The following SLIT3 variants were observed in gnomAD, a reference collection of about 807,000 sequenced individuals.
SLIT3 encodes slit homolog 3 protein.
SLIT3 carries 68 observed loss-of-function variants against 184.0 expected under a neutral mutation model. The ratio of observed to expected loss-of-function variants is 0.37; its 90% CI spans 0.30 to 0.45. The LOEUF (loss-of-function observed/expected upper bound fraction) is 0.45. SLIT3 is among the 20% of genes least tolerant of loss of function. The probability of loss-of-function intolerance (pLI) is 1.00; values close to 1 mark genes in which losing one functional copy is unlikely to be tolerated. For missense variants in SLIT3, 1,707 were observed against 2,026.0 expected, an observed-to-expected ratio of 0.84 and a Z score of 3.02; for synonymous variants, 831 against 828.6, an observed-to-expected ratio of 1.00 and a Z score of -0.05.
chr5:168,692,798 C>G, intron 28 of SLIT3, 98 bp from the exon 29 acceptor site: 1 of 787,170 alleles, frequency 1.3e-6, no homozygotes, highest in South Asian at 1.6e-5. Flanking sequence ...GCCAGAAGAT[C>G]AGACTCATCC....
intron 4 of SLIT3, among the ~76,000 whole-genome samples, chr5:169,114,964 G>A (rs1270593559): frequency 6.6e-6 from 1 of 152,200 alleles, no homozygotes. Flanking sequence ...AAATGGAGGG[G>A]GAGGGCGGAA....
chr5:168,952,409 C>T (rs1006272114), intron 4 of SLIT3, among the ~76,000 whole-genome samples: 32 of 152,054 alleles, frequency 2.1e-4, no homozygotes, highest in African/African-American at 7.0e-4. Flanking sequence ...TTGGCACCAG[C>T]GTCACATCTG....
chr5:169,000,993 T>G (rs537052656), intron 4 of SLIT3, among the ~76,000 whole-genome samples: 1 of 152,370 alleles, frequency 6.6e-6, no homozygotes, highest in Admixed American at 6.5e-5. Context: ...AAGAAGTTTA[T>G]TACTTTGTCA....
intron 3 of SLIT3, among the ~76,000 whole-genome samples, chr5:169,207,019 C>T (rs962297742): frequency 4.7e-5 from 7 of 149,022 alleles, no homozygotes; most frequent in African/African-American, 1.2e-4. Flanking sequence ...ATTGTCACTT[C>T]GATCTGATTG....
chr5:168,715,005 CGGTT>C (rs955031792), intron 23 of SLIT3, among the ~76,000 whole-genome samples: 11 of 152,166 alleles, frequency 7.2e-5, no homozygotes. Flanking sequence ...CTAGGTCCTA[CGGTT>C]AATACAATAA....
chr5:168,723,084 C>G, intron 21 of SLIT3, 80 bp from the exon 22 acceptor site: 1 of 937,250 alleles, frequency 1.1e-6, no homozygotes, highest in Admixed American at 1.7e-5. Context: ...TCACACATAC[C>G]TGCCATCCAC....
intron 12 of SLIT3, among the ~76,000 whole-genome samples, chr5:168,785,480 G>A (rs541847102): frequency 5.9e-5 from 9 of 152,262 alleles, no homozygotes; most frequent in African/African-American, 1.9e-4. Flanking sequence ...CCTCTGCCCC[G>A]ACCCCTCTTC....
At chr5:168,763,501 A>G (rs1249772121) in intron 14 of SLIT3, among the ~76,000 whole-genome samples, 1 of 152,210 alleles carries the variant, frequency 6.6e-6, no homozygotes, top group Non-Finnish European at 1.5e-5. Flanking sequence ...CACATTCTAC[A>G]TAACTATAGT....
chr5:168,819,496 T>C (rs1015085670), intron 7 of SLIT3, among the ~76,000 whole-genome samples: 2 of 152,162 alleles, frequency 1.3e-5, no homozygotes, highest in Admixed American at 6.5e-5. Context: ...TTGGCTTTTA[T>C]TTGGAAAGGT....
chr5:169,294,585 G>A (rs2113664635), intron 1 of SLIT3, among the ~76,000 whole-genome samples: 1 of 152,332 alleles, frequency 6.6e-6, no homozygotes, highest in Admixed American at 6.5e-5. Flanking sequence ...CCTTCCAGCT[G>A]GATAGGGCCT....
At chr5:168,969,069 A>C (rs1418069805) in intron 4 of SLIT3, among the ~76,000 whole-genome samples, 2 of 152,216 alleles carry the variant, frequency 1.3e-5, no homozygotes, top group African/African-American at 4.8e-5. Context: ...AAGATACACC[A>C]AACTTGAAGT....
chr5:169,132,981 C>T (rs1254295006), intron 4 of SLIT3, among the ~76,000 whole-genome samples: 10 of 152,176 alleles, frequency 6.6e-5, no homozygotes, highest in Non-Finnish European at 1.5e-4. Flanking sequence ...CTATTCTACT[C>T]TCACAATGTC....
rs74403387 is a variant in SLIT3, at chr5:169,058,366, G to A, written c.413+135113C>T. Among the ~76,000 whole-genome samples the A allele has an allele frequency of 3.8e-3, 582 of 152,318 alleles. 1 individual carries two copies. The highest frequency in any genetic ancestry group is 6.0e-3 in the Non-Finnish European group (407 of 68,042). On this transcript the variant is annotated intron_variant, in intron 4 of 35. Transcript: ENST00000519560. The stretch of plus-strand genomic sequence containing the variant: ...CCACCAAACAAGGGAAGCCAGGAAG[G>A]TGAGTATGGTTTCCATTGGAAAGGC...
Position 168,664,495 on chromosome 5 carries a change from C to T in SLIT3, c.*1959G>A, listed in dbSNP as rs1760972254. 7.2e-6 allele frequency: 1 copy of T among 138,012 alleles called. No homozygotes were observed. The highest frequency in any genetic ancestry group is 2.7e-4 in the South Asian group (1 of 3,770). 8.5% of individuals were successfully genotyped at this position (138,012 alleles called of 1,614,324 possible). On this transcript the variant is annotated 3_prime_UTR_variant, in exon 36 of 36. Transcript: ENST00000519560. ...TATCCCTCTCTCCCTTCTCTTCATC[C>T]CCTCCATCCCTTCCTTCTTTCCTTC...
rs747713831 is a variant in SLIT3, at chr5:168,760,941, G to A, written c.1611-5C>T. 2.7e-5 allele frequency: 44 copies of A among 1,612,530 alleles called. No homozygotes were observed. Among genetic ancestry groups the A allele is most frequent in the Non-Finnish European group, 3.3e-5 (39 of 1,178,712 alleles). ...ACCTCATTGTCATTCAGTCGCCTGTGTAGGAAGCAAGATGAGTGGTAGGTT... is the reference window on the plus strand; with the variant it reads ...ACCTCATTGTCATTCAGTCGCCTGTATAGGAAGCAAGATGAGTGGTAGGTT... On this transcript the variant is annotated splice_polypyrimidine_tract_variant and splice_region_variant and intron_variant, in intron 15 of 35. Coordinates refer to ENST00000519560, the MANE Select transcript of SLIT3 (RefSeq NM_003062.4).
chr5:169,076,318 G>C (rs1158431795), intron 4 of SLIT3, among the ~76,000 whole-genome samples: 1 of 152,102 alleles, frequency 6.6e-6, no homozygotes, highest in Non-Finnish European at 1.5e-5. Flanking sequence ...AGATTGTTCA[G>C]GAGGCTGTGA....
At chr5:169,133,194 C>T (rs1293307403) in intron 4 of SLIT3, among the ~76,000 whole-genome samples, 2 of 152,200 alleles carry the variant, frequency 1.3e-5, no homozygotes, top group Non-Finnish European at 2.9e-5. Context: ...CTTCCTCTTT[C>T]TCCATTCCCT....
chr5:168,671,832 C>T (rs967254923), intron 33 of SLIT3, among the ~76,000 whole-genome samples: 4 of 152,312 alleles, frequency 2.6e-5, no homozygotes, highest in African/African-American at 9.6e-5. Flanking sequence ...CCCCAATAGG[C>T]AAGTGCACCA....
intron 23 of SLIT3, among the ~76,000 whole-genome samples, chr5:168,714,323 G>A (rs1762650584): frequency 6.6e-6 from 1 of 152,164 alleles, no homozygotes; most frequent in African/African-American, 2.4e-5. Flanking sequence ...ATGAGGCCTG[G>A]GCCCCTGGAG....
Sources: gnomAD v4.1 joint callset for allele counts (sites outside exome capture counted in the v4.1 genomes callset) on GRCh38, gnomAD v4.1.1 for gene constraint, MANE v1.5 for transcripts, NCBI Gene and HGNC (gene_info 2026-07-23, HGNC 2026-07-21) for gene names.